Variants in LRRC7 observed in about 807,000 individuals in gnomAD.
LRRC7 encodes leucine rich repeat containing 7.
A neutral mutation model predicts 175.7 loss-of-function variants in LRRC7; 23 were observed. The ratio of observed to expected loss-of-function variants is 0.13; its 90% CI spans 0.09 to 0.19. The LOEUF (loss-of-function observed/expected upper bound fraction) is 0.19, where lower values mean the gene tolerates loss of function less well. Among genes scored for constraint, LRRC7 ranks in the 10% least tolerant of loss-of-function variants. LRRC7 has a pLI of 1.00. For missense variants in LRRC7, 1,354 were observed against 1,904.7 expected (o/e 0.71, Z 5.38); for synonymous variants, 685 against 680.9 (o/e 1.01, Z -0.09).
At chr1:69,635,025 GATT>G (rs1290533202) in intron 1 of LRRC7, among the ~76,000 whole-genome samples, 17 of 152,032 alleles carry the variant, frequency 1.1e-4, no homozygotes, top group African/African-American at 4.1e-4. Context: ...TTGTTGTACA[GATT>G]ATTTCATCAG....
At chr1:69,956,202 C>A (rs1429337015) in intron 8 of LRRC7, among the ~76,000 whole-genome samples, 1 of 151,850 alleles carries the variant, frequency 6.6e-6, no homozygotes, top group Non-Finnish European at 1.5e-5. Flanking sequence ...TTTAGTTTTT[C>A]CTCTTGCCTG....
Position 70,138,039 on chromosome 1 carries a change from T to C in LRRC7, c.*16152T>C, listed in dbSNP as rs1251541344. 6.6e-6 allele frequency: 1 copy of C among 152,174 alleles called. No individual in the cohort carries two copies. The highest frequency in any genetic ancestry group is 2.4e-5 in the African/African-American group (1 of 41,442). The allele number at this position is 152,174 out of a possible 1,614,324, so 9.4% of individuals were successfully genotyped here. A position where few individuals can be genotyped will look rare whatever the true frequency, so the allele number is the denominator to read the frequency against. ...GTATAATAAAGTTGAGTTCAAAAAGTGTATGAATTCAGTTATGGTCTGGAA... is the reference window on the plus strand; with the variant it reads ...GTATAATAAAGTTGAGTTCAAAAAGCGTATGAATTCAGTTATGGTCTGGAA... On this transcript the variant is annotated 3_prime_UTR_variant, in exon 27 of 27. Coordinates refer to ENST00000651989, the MANE Select transcript of LRRC7 (RefSeq NM_001370785.2).
At chr1:70,050,250 A>G (rs957917592) in intron 22 of LRRC7, among the ~76,000 whole-genome samples, 15 of 152,098 alleles carry the variant, frequency 9.9e-5, no homozygotes, top group African/African-American at 3.4e-4. Flanking sequence ...GATCAAATAG[A>G]CACTTGTGAT....
At chr1:69,783,753 C>CA (rs10712087) in intron 3 of LRRC7, among the ~76,000 whole-genome samples, 9,556 of 83,504 alleles carry the variant, frequency 0.11, 833 homozygotes, top group East Asian at 0.46. Flanking sequence ...CTCCCCATCT[C>CA]AAAAAAAAAA....
intron 2 of LRRC7, among the ~76,000 whole-genome samples, chr1:69,696,544 C>T (rs901650070): frequency 4.6e-5 from 7 of 152,016 alleles, no homozygotes; most frequent in South Asian, 4.1e-4. Context: ...GTGAGAAGAA[C>T]AAGAGATGAT....
At chr1:69,634,173 G>A (rs891082328) in intron 1 of LRRC7, among the ~76,000 whole-genome samples, 1 of 151,942 alleles carries the variant, frequency 6.6e-6, no homozygotes, top group Non-Finnish European at 1.5e-5. Context: ...ACTAGATAAA[G>A]AGTATGAATA....
At chr1:69,604,573 G>A (rs751756832) in intron 1 of LRRC7, among the ~76,000 whole-genome samples, 9 of 152,162 alleles carry the variant, frequency 5.9e-5, no homozygotes, top group Admixed American at 1.3e-4. Context: ...GCAGAGAACA[G>A]AACCCCAAGA....
intron 7 of LRRC7, among the ~76,000 whole-genome samples, chr1:69,895,283 C>A (rs1645948227): frequency 6.6e-6 from 1 of 151,906 alleles, no homozygotes; most frequent in African/African-American, 2.4e-5. Flanking sequence ...GTTCTTACTA[C>A]AAAAATAAAT....
At chr1:69,951,093 TA>T (rs1012392383) in intron 8 of LRRC7, among the ~76,000 whole-genome samples, 20 of 141,920 alleles carry the variant, frequency 1.4e-4, no homozygotes, top group African/African-American at 5.2e-4. Context: ...TAAACAAATT[TA>T]CAAAAAAAAA....
chr1:69,647,356 C>T (rs1655150463), intron 1 of LRRC7, among the ~76,000 whole-genome samples: 1 of 152,150 alleles, frequency 6.6e-6, no homozygotes, highest in South Asian at 2.1e-4. Context: ...ATTAAAGTGC[C>T]TTTATTTTGC....
intron 1 of LRRC7, among the ~76,000 whole-genome samples, chr1:69,585,327 C>A (rs1646363578): frequency 6.6e-6 from 1 of 152,050 alleles, no homozygotes; most frequent in Admixed American, 6.6e-5. Context: ...CATTAAAGAT[C>A]TTTGTGCCAA....
At chr1:69,811,483 T>C (rs1677857957) in intron 4 of LRRC7, among the ~76,000 whole-genome samples, 1 of 152,102 alleles carries the variant, frequency 6.6e-6, no homozygotes, top group Non-Finnish European at 1.5e-5. Context: ...ATGTTTATTA[T>C]GGCACTATTC....
At chr1:69,690,705 A>T (rs1366857470) in intron 2 of LRRC7, among the ~76,000 whole-genome samples, 1 of 152,124 alleles carries the variant, frequency 6.6e-6, no homozygotes, top group African/African-American at 2.4e-5. Context: ...AGACAGCTGG[A>T]TTTGCCCCAG....
At chr1:70,042,241 G>C (rs1280125118) in intron 21 of LRRC7, among the ~76,000 whole-genome samples, 1 of 152,176 alleles carries the variant, frequency 6.6e-6, no homozygotes, top group Non-Finnish European at 1.5e-5. Context: ...TCAACAAGAT[G>C]AATTCAGGGT....
chr1:69,821,658 T>C lies in LRRC7; in HGVS notation c.422-4090T>C, dbSNP rs145482653. Among the ~76,000 whole-genome samples the C allele has an allele frequency of 3.4e-3, 517 of 152,016 alleles. 1 individual carries two copies. Among genetic ancestry groups the C allele is most frequent in the African/African-American group, 0.011 (468 of 41,468 alleles). Reference sequence around the variant, plus strand: ...CCTGTAATCCCAGCACTTTCGGAGGTTGAGGCGGGTGGATTACCTGAGGTC... The same window carrying C: ...CCTGTAATCCCAGCACTTTCGGAGGCTGAGGCGGGTGGATTACCTGAGGTC... On this transcript the variant is annotated intron_variant, in intron 4 of 26. Transcript: ENST00000651989.
rs186825393 is a variant in LRRC7, at chr1:69,917,649, C to G, written c.648-13858C>G. ...ACATCTTAGAGTGCACAAGATAGTCCCCCACAACAAACAATTATCTCATAC... is the reference window on the plus strand; with the variant it reads ...ACATCTTAGAGTGCACAAGATAGTCGCCCACAACAAACAATTATCTCATAC... On this transcript the variant is annotated intron_variant, in intron 7 of 26. Transcript: ENST00000651989. Among the ~76,000 whole-genome samples, 25 of 152,062 alleles carry G rather than the reference C, an allele frequency of 1.6e-4. 1 individual carries two copies. The East Asian group carries it at 3.9e-3, about 24-fold the overall frequency.
At chr1:69,661,596 G>A (rs576246719) in intron 1 of LRRC7, among the ~76,000 whole-genome samples, 1 of 152,206 alleles carries the variant, frequency 6.6e-6, no homozygotes, top group South Asian at 2.1e-4. Context: ...AGAACATTGT[G>A]TCAATACTCA....
At chr1:69,931,706 A>C (rs1647401003) in intron 8 of LRRC7, 136 bp downstream of exon 8, 4 of 716,950 alleles carry the variant, frequency 5.6e-6, no homozygotes, top group Non-Finnish European at 9.3e-6. Flanking sequence ...CCTGGAAGTT[A>C]ATATTAGCTT....
chr1:69,884,750 G>T (rs998340551), intron 7 of LRRC7, among the ~76,000 whole-genome samples: 1 of 146,812 alleles, frequency 6.8e-6, no homozygotes, highest in African/African-American at 2.6e-5. Flanking sequence ...TTGGCTGTGG[G>T]TTTGTCATAG....
Sources: gnomAD v4.1 joint callset for allele counts (sites outside exome capture counted in the v4.1 genomes callset) on GRCh38, gnomAD v4.1.1 for gene constraint, MANE v1.5 for transcripts, NCBI Gene and HGNC (gene_info 2026-07-23, HGNC 2026-07-21) for gene names.